Variants in PIK3CD observed in about 807,000 individuals in gnomAD.
PIK3CD encodes phosphatidylinositol 4,5-bisphosphate 3-kinase catalytic subunit delta isoform.
PIK3CD carries 20 observed loss-of-function variants against 122.9 expected under a neutral mutation model. That is an observed-to-expected ratio of 0.16 (90% confidence interval 0.11 to 0.24). The LOEUF (loss-of-function observed/expected upper bound fraction) is 0.24, where lower values mean the gene tolerates loss of function less well. PIK3CD is among the 10% of genes least tolerant of loss of function. The probability of loss-of-function intolerance (pLI) is 1.00; values close to 1 mark genes in which losing one functional copy is unlikely to be tolerated. For missense variants in PIK3CD, 787 were observed against 1,406.3 expected (o/e 0.56, Z 7.04); for synonymous variants, 596 against 593.4 (o/e 1.00, Z -0.06).
intron 2 of PIK3CD, among the ~76,000 whole-genome samples, chr1:9,702,537 T>TTTTTTTTTTTTTTTTTTTG (rs1646683763): frequency 7.9e-6 from 1 of 127,016 alleles, no homozygotes; most frequent in Non-Finnish European, 1.6e-5. Flanking sequence ...TTTTTTTTTT[T>TTTTTTTTTTTTTTTTTTTG]GAGGCAGAGT....
chr1:9,707,826 G>A (rs1411457985), intron 2 of PIK3CD, among the ~76,000 whole-genome samples: 3 of 148,236 alleles, frequency 2.0e-5, no homozygotes, highest in Non-Finnish European at 3.0e-5. Flanking sequence ...TGGAGTCTCA[G>A]TCTGTCGCCC....
At chr1:9,688,877 G>T (rs911181482) in intron 1 of PIK3CD, among the ~76,000 whole-genome samples, 1 of 152,302 alleles carries the variant, frequency 6.6e-6, no homozygotes, top group South Asian at 2.1e-4. Context: ...TGCGGGACAA[G>T]GATTGTCTCG....
Position 9,720,492 on chromosome 1 carries a change from G to A in PIK3CD, c.1471-119G>A, listed in dbSNP as rs538786070. On this transcript the variant is annotated intron_variant, in intron 11 of 23. Transcript: ENST00000377346. This position sits in a 1 kb window ranked among gnomAD's most constrained non-coding sequence, Gnocchi z 9.0. ...TGGAGGCCAGAGCTGCTGTGGATGC[G>A]CCTCCATGCAGAGGACAGCGCCCCC... is the stretch of plus-strand genomic sequence containing the variant. 2.0e-4 allele frequency: 298 copies of A among 1,514,142 alleles called. 1 individual carries two copies. In the African/African-American group the frequency reaches 3.2e-3, roughly 16 times the overall value. The allele number at this position is 1,514,142 out of a possible 1,614,324, so 93.8% of individuals were successfully genotyped here. A position where few individuals can be genotyped will look rare whatever the true frequency, so the allele number is the denominator to read the frequency against.
chr1:9,722,639 G>GT lies in PIK3CD; in HGVS notation c.2426+34dup. On this transcript the variant is annotated intron_variant, in intron 19 of 23. Transcript: ENST00000377346. The surrounding 1 kb of genome is among the most constrained non-coding windows in gnomAD (Gnocchi z 7.6). ...CCCCCACCCCACATCGTCCCTTGGT[G>GT]TCTGTGCCCAGCCTGGGAGTCTGTG... The GT allele has an allele frequency of 6.4e-7, 1 of 1,571,548 alleles. No homozygotes were observed. The highest frequency in any genetic ancestry group is 8.8e-7 in the Non-Finnish European group (1 of 1,141,742).
chr1:9,698,696 T>C (rs896608629), intron 2 of PIK3CD, among the ~76,000 whole-genome samples: 1 of 152,234 alleles, frequency 6.6e-6, no homozygotes, highest in African/African-American at 2.4e-5. Flanking sequence ...ATTCCCAAAT[T>C]CCCAAAGTTA....
chr1:9,653,763 A>T, intron 1 of PIK3CD: 1 of 1,351,880 alleles, frequency 7.4e-7, no homozygotes. Flanking sequence ...TAGCATTTCC[A>T]TGGCCTGCTG....
Position 9,724,081 on chromosome 1 carries a change from G to C in PIK3CD, c.2707G>C (p.Glu903Gln), listed in dbSNP as rs1237870323. 1 of 1,614,206 alleles carries C rather than the reference G, an allele frequency of 6.2e-7. No individual in the cohort carries two copies. Among genetic ancestry groups the C allele is most frequent in the Admixed American group, 1.7e-5 (1 of 60,026 alleles). ...GCACAGCGACAACATCATGATCCGA[G>C]AGAGTGGGCAGGTACAGGGGCTGGT... Reference protein sequence around the residue: ...DRHSDNIMIRESGQLFHIDFG... With the variant: ...DRHSDNIMIRQSGQLFHIDFG... Residue 903 changes from glutamate to glutamine, a missense_variant, in exon 21 of 24, where the codon GAG becomes CAG. This residue lies in a region of PIK3CD where 17 missense variants were observed against 97.0 expected (regional missense o/e 0.18). Transcript: ENST00000377346. The surrounding 1 kb of genome is among the most constrained non-coding windows in gnomAD (Gnocchi z 7.3).
rs2101044822 is a variant in PIK3CD, at chr1:9,727,237, A to C, written c.*191A>C. The C allele has an allele frequency of 1.5e-6, 1 of 683,380 alleles. No individual in the cohort carries two copies. 42.3% of individuals were successfully genotyped at this position (683,380 alleles called of 1,614,324 possible). ...AAGGAGCTAAACAGCCATAAACGGA[A>C]ACGCCTCCTTCATGCAGCGGCGGTG... On this transcript the variant is annotated 3_prime_UTR_variant, in exon 24 of 24. Coordinates refer to ENST00000377346, the MANE Select transcript of PIK3CD (RefSeq NM_005026.5).
chr1:9,722,427 G>A lies in PIK3CD; in HGVS notation c.2347+71G>A. 3 of 1,544,362 alleles carry A rather than the reference G, an allele frequency of 1.9e-6. No individual in the cohort carries two copies. In the South Asian group the frequency reaches 3.4e-5, roughly 17 times the overall value. On this transcript the variant is annotated intron_variant, in intron 18 of 23. Transcript: ENST00000377346. This position sits in a 1 kb window ranked among gnomAD's most constrained non-coding sequence, Gnocchi z 7.6. ...GTCCTGGGGTGCTCCTAGAGTGGGG[G>A]TGGAGAAGACAGAATCCTGGGACTT...
rs891695745 is a variant in PIK3CD at position 9,719,324 on chromosome 1, G to A, written c.1242+409G>A. 6.6e-6 allele frequency among the ~76,000 whole-genome samples: 1 copy of A among 152,190 alleles called. No individual in the cohort carries two copies. The highest frequency in any genetic ancestry group is 2.4e-5 in the African/African-American group (1 of 41,456). Reference sequence around the variant, plus strand: ...GAGCTGACTCACTCCGAGCTGAGCTGGGCTGGCCTCTGGGGCTGGGCTGTC... The same window carrying A: ...GAGCTGACTCACTCCGAGCTGAGCTAGGCTGGCCTCTGGGGCTGGGCTGTC... On this transcript the variant is annotated intron_variant, in intron 9 of 23. Coordinates refer to ENST00000377346, the MANE Select transcript of PIK3CD (RefSeq NM_005026.5). The surrounding 1 kb of genome is among the most constrained non-coding windows in gnomAD (Gnocchi z 5.5).
Position 9,722,199 on chromosome 1 carries a change from C to A in PIK3CD, c.2235-45C>A, listed in dbSNP as rs1190564939. On this transcript the variant is annotated intron_variant, in intron 17 of 23. Transcript: ENST00000377346. This position sits in a 1 kb window ranked among gnomAD's most constrained non-coding sequence, Gnocchi z 7.6. ...AAGGGTTCCTCCCACCCCTGGGAGG[C>A]CGGTAGAGGAGCCCCTGCTGACTGC... is the stretch of plus-strand genomic sequence containing the variant. 1 of 1,610,466 alleles carries A rather than the reference C, an allele frequency of 6.2e-7. No homozygotes were observed. The highest frequency in any genetic ancestry group is 2.2e-5 in the East Asian group (1 of 44,626).
chr1:9,716,589 G>A lies in PIK3CD; in HGVS notation c.750G>A (p.Leu250=). 2.5e-6 allele frequency: 4 copies of A among 1,576,552 alleles called. No individual in the cohort carries two copies. Among genetic ancestry groups the A allele is most frequent in the Non-Finnish European group, 3.4e-6 (4 of 1,163,008 alleles). ...AGGTGAACGGCAGGCATGAGTACCTGTATGGCAGCTACCCGCTCTGCCAGT... is the reference window on the plus strand; with the variant it reads ...AGGTGAACGGCAGGCATGAGTACCTATATGGCAGCTACCCGCTCTGCCAGT... ...TLQVNGRHEY[L]YGSYPLCQFQ... is the part of the protein sequence containing the mutation. The change falls in exon 6 of 24, where the codon CTG becomes CTA. Residue 250 remains leucine, a synonymous_variant. Coordinates refer to ENST00000377346, the MANE Select transcript of PIK3CD (RefSeq NM_005026.5).
rs977511939 is a variant in PIK3CD, at chr1:9,714,375, G to C, written c.142-1166G>C. The stretch of plus-strand genomic sequence containing the variant: ...GTCCCGCCACCATAGGACAGGAGCA[G>C]CCCTGAGTGATATGTAAATGAAGAG... On this transcript the variant is annotated intron_variant, in intron 3 of 23. Coordinates refer to ENST00000377346, the MANE Select transcript of PIK3CD (RefSeq NM_005026.5). 7.9e-4 allele frequency among the ~76,000 whole-genome samples: 121 copies of C among 152,330 alleles called. 1 individual carries two copies. The highest frequency in any genetic ancestry group is 2.6e-3 in the African/African-American group (110 of 41,570).
chr1:9,654,139 C>G (rs2100715140), intron 1 of PIK3CD: 1 of 1,250,924 alleles, frequency 8.0e-7, no homozygotes, highest in East Asian at 5.2e-5. Context: ...TTCTGAGCCC[C>G]ACTTCCCCCG....
chr1:9,656,914 G>A (rs1456747412), intron 1 of PIK3CD, among the ~76,000 whole-genome samples: 1 of 143,654 alleles, frequency 7.0e-6, no homozygotes, highest in East Asian at 2.0e-4. Flanking sequence ...CTGCACTCCA[G>A]CCTGGGTGAC....
In PIK3CD at chr1:9,723,342, G is replaced by A; in HGVS notation, c.2594+50G>A. 1 of 1,582,966 alleles carries A rather than the reference G, an allele frequency of 6.3e-7. No homozygotes were observed. The highest frequency in any genetic ancestry group is 8.7e-7 in the Non-Finnish European group (1 of 1,152,152). On this transcript the variant is annotated intron_variant, in intron 20 of 23. Coordinates refer to ENST00000377346, the MANE Select transcript of PIK3CD (RefSeq NM_005026.5). The surrounding 1 kb of genome is among the most constrained non-coding windows in gnomAD (Gnocchi z 4.9). ...TTCCCTCTCCTTTCCAAGAGGTGTG[G>A]AGTGGGAGGGCCTCGCCTGTCAGAA...
At position 9,719,326 on chromosome 1, in the gene PIK3CD, G is replaced by GCTGGC. The variant is rs1279351994; in HGVS notation, c.1242+414_1242+418dup. On this transcript the variant is annotated intron_variant, in intron 9 of 23. Transcript: ENST00000377346. The surrounding 1 kb of genome is among the most constrained non-coding windows in gnomAD (Gnocchi z 5.5). Reference sequence around the variant, plus strand: ...GCTGACTCACTCCGAGCTGAGCTGGGCTGGCCTCTGGGGCTGGGCTGTCTG... The same window carrying GCTGGC: ...GCTGACTCACTCCGAGCTGAGCTGGGCTGGCCTGGCCTCTGGGGCTGGGCTGTCTG... Among the ~76,000 whole-genome samples, 1 of 152,178 alleles carries GCTGGC rather than the reference G, an allele frequency of 6.6e-6. No homozygotes were observed. The highest frequency in any genetic ancestry group is 2.4e-5 in the African/African-American group (1 of 41,456).
chr1:9,721,015 TCACCCTGACCCTGGCCACCCAC>T, intron 13 of PIK3CD, 90 bp from the exon 14 acceptor site: 1 of 1,420,812 alleles, frequency 7.0e-7, no homozygotes, highest in Admixed American at 1.9e-5. Context: ...TGGCCAACCT[TCACCCTGACCCTGGCCACCCAC>T]CACCCTGACC....
Position 9,658,127 on chromosome 1 carries a change from A to G in PIK3CD, c.-138+6325A>G, listed in dbSNP as rs1644910622. 2.0e-5 allele frequency among the ~76,000 whole-genome samples: 3 copies of G among 152,136 alleles called. No individual in the cohort carries two copies. In the South Asian group the frequency reaches 6.2e-4, roughly 32 times the overall value. On this transcript the variant is annotated intron_variant, in intron 1 of 23. Coordinates refer to ENST00000377346, the MANE Select transcript of PIK3CD (RefSeq NM_005026.5). ...GCTGGGCATGGTGGTTCATGCTTGT[A>G]TTCCTAATGCTTTGGGAAGCTAAGG... is the stretch of plus-strand genomic sequence containing the variant.
Sources: gnomAD v4.1 joint callset for allele counts (sites outside exome capture counted in the v4.1 genomes callset) on GRCh38, gnomAD v4.1.1 for gene constraint, gnomAD v4.1.1 regional missense constraint, Gnocchi (gnomAD v3.1) non-coding constraint, MANE v1.5 for transcripts, NCBI Gene and HGNC (gene_info 2026-07-23, HGNC 2026-07-21) for gene names.